KLKB1: variants seen among roughly 807,000 people sequenced by gnomAD.
The protein encoded by KLKB1 is plasma kallikrein.
KLKB1 carries 58 observed loss-of-function variants against 73.6 expected under a neutral mutation model. The ratio of observed to expected loss-of-function variants is 0.79; its 90% CI spans 0.64 to 0.98. The LOEUF is 0.98. Among genes scored for constraint, KLKB1 ranks in the 50% least tolerant of loss-of-function variants. KLKB1 has a pLI of 0.00. For synonymous variants in KLKB1, 280 were observed against 258.1 expected (o/e 1.08, Z -0.81); for missense variants, 737 against 763.8 (o/e 0.96, Z 0.41).
At position 186,234,051 on chromosome 4, in the gene KLKB1, A is replaced by C. The variant is rs769395980; in HGVS notation, c.321A>C (p.Gln107His). ...SGHSLKQCGH[Q>H]ISACHRDIYK... ...ATTCCTTGAAGCAATGTGGTCATCAAATAAGTGGTAAGTTGTGAATTTCTT... is the reference window on the plus strand; with the variant it reads ...ATTCCTTGAAGCAATGTGGTCATCACATAAGTGGTAAGTTGTGAATTTCTT... The change falls in exon 4 of 15, where the codon CAA becomes CAC. Residue 107 changes from glutamine (Q) to histidine (H), a missense_variant. Coordinates refer to ENST00000264690, the MANE Select transcript of KLKB1 (RefSeq NM_000892.5). 4 of 1,608,962 alleles carry C rather than the reference A, an allele frequency of 2.5e-6. No individual in the cohort carries two copies. The Admixed American group carries it at 5.0e-5, about 20-fold the overall frequency.
intron 2 of KLKB1, among the ~76,000 whole-genome samples, chr4:186,218,778 A>G (rs1038719416): frequency 1.9e-4 from 29 of 152,288 alleles, no homozygotes; most frequent in African/African-American, 6.7e-4. Context: ...GACAGAACTA[A>G]TAGGATAGAT....
Position 186,255,992 on chromosome 4 carries a change from A to T in KLKB1, c.1490A>T (p.Glu497Val). Residue 497 changes from glutamate to valine, a missense_variant and splice_region_variant, in exon 13 of 15, where the codon GAA becomes GTA. By Grantham distance (121) the Glu-to-Val change is moderately radical. Coordinates refer to ENST00000264690, the MANE Select transcript of KLKB1 (RefSeq NM_000892.5). ...CTCTAATTTAAAAATTATGTTTCAGAATTCCAAAAACCAATATGCCTACCT... is the reference window on the plus strand; with the variant it reads ...CTCTAATTTAAAAATTATGTTTCAGTATTCCAAAAACCAATATGCCTACCT... The part of the protein sequence containing the change: ...IKLQAPLNYT[E>V]FQKPICLPSK... 6.3e-7 allele frequency: 1 copy of T among 1,596,082 alleles called. No homozygotes were observed. Among genetic ancestry groups the T allele is most frequent in the Non-Finnish European group, 8.6e-7 (1 of 1,163,490 alleles).
intron 2 of KLKB1, among the ~76,000 whole-genome samples, chr4:186,231,083 G>A (rs924306627): frequency 1.4e-4 from 22 of 152,152 alleles, no homozygotes; most frequent in African/African-American, 5.1e-4. Context: ...AATCCCCAGG[G>A]GGTAGGATAG....
At chr4:186,246,701 G>A (rs1580018155) in intron 6 of KLKB1, among the ~76,000 whole-genome samples, 4 of 152,108 alleles carry the variant, frequency 2.6e-5, no homozygotes, top group Admixed American at 1.3e-4. Context: ...AGAGAAAAGA[G>A]AGGGTAGAGA....
chr4:186,219,214 C>G (rs1736977529), intron 2 of KLKB1, among the ~76,000 whole-genome samples: 1 of 152,046 alleles, frequency 6.6e-6, no homozygotes, highest in Admixed American at 6.5e-5. Flanking sequence ...TTGGCAACAC[C>G]CTCACAGACA....
chr4:186,250,148 A>C, intron 6 of KLKB1, 95 bp from the exon 7 acceptor site: 2 of 1,137,942 alleles, frequency 1.8e-6, no homozygotes, highest in South Asian at 2.5e-5. Context: ...ATGAATAATA[A>C]ATAGTCACAA....
At chr4:186,234,781 A>G (rs1280186473) in intron 4 of KLKB1, among the ~76,000 whole-genome samples, 1 of 152,198 alleles carries the variant, frequency 6.6e-6, no homozygotes, top group African/African-American at 2.4e-5. Context: ...ACAGTTTCCA[A>G]TGCTATCCTA....
chr4:186,239,728 T>G (rs1175746272), intron 6 of KLKB1, among the ~76,000 whole-genome samples: 2 of 69,698 alleles, frequency 2.9e-5, no homozygotes, highest in Non-Finnish European at 2.7e-5. Flanking sequence ...AGTGATATTG[T>G]TATAGTTATA....
intron 13 of KLKB1, 83 bp downstream of exon 13, chr4:186,256,170 T>C (rs528754521): frequency 1.2e-6 from 1 of 811,734 alleles, no homozygotes; most frequent in African/African-American, 1.7e-5. Context: ...AATCGGTTTC[T>C]GTCTGAAATT....
At chr4:186,254,507 GA>G in intron 11 of KLKB1, 80 bp from the exon 12 acceptor site, 2 of 1,180,430 alleles carry the variant, frequency 1.7e-6, no homozygotes, top group South Asian at 2.4e-5. Context: ...CCAGTTCTTT[GA>G]AAGAGAGTGA....
At position 186,255,390 on chromosome 4, in the gene KLKB1, G is replaced by A. The variant is rs146135612; in HGVS notation, c.1490-602G>A. On this transcript the variant is annotated intron_variant, in intron 12 of 14. Coordinates refer to ENST00000264690, the MANE Select transcript of KLKB1 (RefSeq NM_000892.5). ...AGCCTGGGCAACACAGTGAGACCCC[G>A]TCTCTACATAAAATTAGAAAAAAAC... 3.8e-3 allele frequency among the ~76,000 whole-genome samples: 583 copies of A among 152,176 alleles called. 5 individuals carry two copies. Among genetic ancestry groups the A allele is most frequent in the African/African-American group, 0.013 (549 of 41,516 alleles).
chr4:186,249,940 T>C (rs555816464), intron 6 of KLKB1, among the ~76,000 whole-genome samples: 8 of 151,664 alleles, frequency 5.3e-5, no homozygotes, highest in Non-Finnish European at 1.2e-4. Context: ...AGAGTCAGAG[T>C]AATATAAAGG....
At position 186,258,254 on chromosome 4, in the gene KLKB1, A is replaced by C. The variant is rs1226161777; in HGVS notation, c.*42A>C. 2.6e-6 allele frequency: 4 copies of C among 1,564,468 alleles called. No homozygotes were observed. In the African/African-American group the frequency reaches 4.1e-5, roughly 16 times the overall value. On this transcript the variant is annotated 3_prime_UTR_variant, in exon 15 of 15. Transcript: ENST00000264690. Reference sequence around the variant, plus strand: ...TAGGCAATTTTTACAACCTGAGTTCAAGTCAAATTCTGAGCCTGGGGGGTC... The same window carrying C: ...TAGGCAATTTTTACAACCTGAGTTCCAGTCAAATTCTGAGCCTGGGGGGTC...
Position 186,254,556 on chromosome 4 carries a change from G to A in KLKB1, c.1314-32G>A, listed in dbSNP as rs1471426454. ...ACACTATTGAAGGAAGGACTGCCCA[G>A]TTTCAAACAGGTATTTATTTTTCTC... On this transcript the variant is annotated intron_variant, in intron 11 of 14. Transcript: ENST00000264690. 3 of 1,590,268 alleles carry A rather than the reference G, an allele frequency of 1.9e-6. No homozygotes were observed. In the Admixed American group the frequency reaches 5.0e-5, roughly 27 times the overall value.
intron 6 of KLKB1, among the ~76,000 whole-genome samples, chr4:186,241,073 T>C (rs1016429339): frequency 6.6e-6 from 1 of 152,120 alleles, no homozygotes; most frequent in African/African-American, 2.4e-5. Context: ...GATAAAAATA[T>C]GGCTGTTTCA....
At chr4:186,241,997 G>C (rs1354394212) in intron 6 of KLKB1, among the ~76,000 whole-genome samples, 1 of 152,014 alleles carries the variant, frequency 6.6e-6, no homozygotes, top group Non-Finnish European at 1.5e-5. Context: ...AACAGGCTTT[G>C]TGTGAGCAAG....
chr4:186,238,904 G>GT (rs201453938), intron 6 of KLKB1, among the ~76,000 whole-genome samples: 19 of 141,564 alleles, frequency 1.3e-4, no homozygotes, highest in Non-Finnish European at 2.5e-4. Context: ...AGAGTTATAG[G>GT]ACAGTGATAT....
intron 13 of KLKB1, 140 bp downstream of exon 13, chr4:186,256,227 A>AT: frequency 1.4e-6 from 1 of 689,954 alleles, no homozygotes; most frequent in Non-Finnish European, 2.6e-6. Context: ...CCAAATATTT[A>AT]TTCAGTTATT....
rs1224911606 is a variant in KLKB1, at chr4:186,236,784, G to A, written c.332G>A (p.Cys111Tyr). ...LKQCGHQISA[C>Y]HRDIYKGVDM... ...TCTATGTATTTTTCTTGTACAGCTT[G>A]CCATCGAGACATTTATAAAGGAGTT... is the stretch of plus-strand genomic sequence containing the variant. The change falls in exon 5 of 15, where the codon TGC becomes TAC. Residue 111 changes from cysteine to tyrosine, a missense_variant. Coordinates refer to ENST00000264690, the MANE Select transcript of KLKB1 (RefSeq NM_000892.5). 1.2e-6 allele frequency: 2 copies of A among 1,613,716 alleles called. No homozygotes were observed. The highest frequency in any genetic ancestry group is 2.7e-5 in the African/African-American group (2 of 74,874).
Sources: allele counts gnomAD v4.1 joint callset (sites outside exome capture counted in the v4.1 genomes callset), GRCh38; gene constraint gnomAD v4.1.1; transcripts MANE v1.5; gene names NCBI Gene and HGNC (gene_info 2026-07-23, HGNC 2026-07-21).